Variants in XIRP2 observed in about 807,000 individuals in gnomAD.
XIRP2 encodes the protein xin actin binding repeat containing 2.
A neutral mutation model predicts 277.0 loss-of-function variants in XIRP2; 236 were observed. The ratio of observed to expected loss-of-function variants is 0.85; its 90% CI spans 0.77 to 0.95. XIRP2 has a LOEUF of 0.95. XIRP2 is among the 40% of genes least tolerant of loss of function. XIRP2 has a pLI of 0.00. For synonymous variants in XIRP2, 1,490 were observed against 1,416.5 expected (o/e 1.05, Z -1.17); for missense variants, 4,640 against 4,157.5 (o/e 1.12, Z -3.19).
intron 2 of XIRP2, among the ~76,000 whole-genome samples, chr2:166,966,436 G>A (rs1447009291): frequency 3.3e-5 from 5 of 151,554 alleles, no homozygotes; most frequent in African/African-American, 4.8e-5. Context: ...TATCGTTTAT[G>A]TTTATATATA....
intron 2 of XIRP2, among the ~76,000 whole-genome samples, chr2:167,127,672 C>T (rs972889479): frequency 7.2e-5 from 11 of 152,158 alleles, no homozygotes; most frequent in African/African-American, 2.2e-4. Context: ...GATATCTCGC[C>T]GCCTGCTGGA....
intron 2 of XIRP2, among the ~76,000 whole-genome samples, chr2:166,914,333 A>T (rs1005383057): frequency 5.3e-5 from 8 of 151,582 alleles, no homozygotes; most frequent in African/African-American, 1.9e-4. Flanking sequence ...TGTGTGCCAT[A>T]TTTTTTTTGT....
intron 2 of XIRP2, among the ~76,000 whole-genome samples, chr2:166,975,930 C>CAAAAAAAAAAAAAAAAAAAAAA (rs550529718): frequency 2.2e-5 from 1 of 45,710 alleles, no homozygotes; most frequent in African/African-American, 7.8e-5. Context: ...GACTCCGTCT[C>CAAAAAAAAAAAAAAAAAAAAAA]AAAAAAAAAA....
At position 167,257,983 on chromosome 2, in the gene XIRP2, C is replaced by CA. The variant is rs1695709946; in HGVS notation, c.*171dup. 6.2e-7 allele frequency: 1 copy of CA among 1,612,882 alleles called. No homozygotes were observed. The highest frequency in any genetic ancestry group is 1.7e-5 in the Admixed American group (1 of 59,836). On this transcript the variant is annotated 3_prime_UTR_variant, in exon 11 of 11. Transcript: ENST00000409195. ...AGCAGCATAAAGATAGATGGAACTG[C>CA]AAAAACCAAAGCAGATCAGTGGACT...
intron 3 of XIRP2, among the ~76,000 whole-genome samples, chr2:167,209,204 A>C (rs138779888): frequency 0.011 from 1,637 of 152,310 alleles, 25 homozygotes; most frequent in South Asian, 0.041. Context: ...TATTTTTACT[A>C]TTTTAATTAC....
At chr2:167,130,557 A>C (rs80305922) in intron 2 of XIRP2, among the ~76,000 whole-genome samples, 7,013 of 152,142 alleles carry the variant, frequency 0.046, 240 homozygotes, top group African/African-American at 0.093. Flanking sequence ...ACCACTCTTT[A>C]CAATTTGCTT....
At chr2:166,891,194 C>T (rs748701908) in intron 1 of XIRP2, among the ~76,000 whole-genome samples, 3 of 152,084 alleles carry the variant, frequency 2.0e-5, no homozygotes, top group Non-Finnish European at 4.4e-5. Flanking sequence ...AAAGACATGG[C>T]GGTAAGATAA....
intron 2 of XIRP2, among the ~76,000 whole-genome samples, chr2:166,985,744 A>C (rs1303668838): frequency 6.6e-6 from 1 of 151,978 alleles, no homozygotes; most frequent in Admixed American, 6.6e-5. Flanking sequence ...ATATTTTCTA[A>C]CAATTATTCT....
At chr2:166,890,090 G>A (rs1684064516) in intron 1 of XIRP2, among the ~76,000 whole-genome samples, 1 of 151,874 alleles carries the variant, frequency 6.6e-6, no homozygotes. Context: ...CCACCTCCCA[G>A]GTTCAAGCGA....
intron 2 of XIRP2, among the ~76,000 whole-genome samples, chr2:167,129,780 G>T (rs1691320973): frequency 6.7e-6 from 1 of 149,810 alleles, no homozygotes; most frequent in South Asian, 2.1e-4. Context: ...TGAGGCAGGA[G>T]AATCACTTGA....
chr2:167,242,439 G>A (rs1695100112), intron 8 of XIRP2, 130 bp from the exon 9 acceptor site: 4 of 900,622 alleles, frequency 4.4e-6, no homozygotes, highest in Non-Finnish European at 6.8e-6. Flanking sequence ...CTTTAAATGA[G>A]TATATCACAT....
rs1413379473 is a variant in XIRP2 at position 167,245,981 on chromosome 2, AAAC to A, written c.4594_4596del (p.Thr1532del). 2 of 1,613,482 alleles carry A rather than the reference AAAC, an allele frequency of 1.2e-6. No individual in the cohort carries two copies. Among genetic ancestry groups the A allele is most frequent in the Admixed American group, 1.7e-5 (1 of 59,960 alleles). ...GTCAAAACAACCACATGGCTCTTTG[AAAC>A]AACACCACTTCATGAATTTAATGAA... On this transcript the variant is annotated inframe_deletion, in exon 9 of 11. Transcript: ENST00000409195.
At chr2:167,126,638 ATCT>A (rs1691215085) in intron 2 of XIRP2, among the ~76,000 whole-genome samples, 1 of 152,140 alleles carries the variant, frequency 6.6e-6, no homozygotes. Context: ...TCCAAATTAG[ATCT>A]TCTGGGAAAA....
intron 2 of XIRP2, among the ~76,000 whole-genome samples, chr2:166,921,296 C>T (rs1456337751): frequency 6.6e-6 from 1 of 152,040 alleles, no homozygotes; most frequent in African/African-American, 2.4e-5. Context: ...AAACTGTTGT[C>T]CAAAGTCGTT....
intron 2 of XIRP2, among the ~76,000 whole-genome samples, chr2:167,100,544 A>G (rs1246878771): frequency 6.6e-6 from 1 of 152,230 alleles, no homozygotes; most frequent in Non-Finnish European, 1.5e-5. Context: ...CCTTGGCCTA[A>G]GAAGGAAGCT....
intron 2 of XIRP2, among the ~76,000 whole-genome samples, chr2:167,065,059 A>C (rs962817199): frequency 3.3e-5 from 5 of 151,908 alleles, no homozygotes; most frequent in Non-Finnish European, 5.9e-5. Context: ...CTACATTTAC[A>C]GTTTTGAGGA....
At chr2:167,213,902 G>A (rs1694136888) in intron 4 of XIRP2, among the ~76,000 whole-genome samples, 1 of 151,990 alleles carries the variant, frequency 6.6e-6, no homozygotes. Flanking sequence ...GATAGTACCA[G>A]GGGTAGCAGG....
intron 2 of XIRP2, among the ~76,000 whole-genome samples, chr2:166,906,499 CATT>C (rs762500287): frequency 2.6e-4 from 39 of 151,930 alleles, no homozygotes; most frequent in Non-Finnish European, 4.4e-4. Context: ...TTACAATAGA[CATT>C]ATAATGTATG....
intron 3 of XIRP2, among the ~76,000 whole-genome samples, chr2:167,175,157 A>G (rs1692802239): frequency 6.6e-6 from 1 of 152,228 alleles, no homozygotes; most frequent in Non-Finnish European, 1.5e-5. Flanking sequence ...TGTCTCGTTG[A>G]TCTGTCTACT....
Sources: allele counts gnomAD v4.1 joint callset (sites outside exome capture counted in the v4.1 genomes callset), GRCh38; gene constraint gnomAD v4.1.1; transcripts MANE v1.5; gene names NCBI Gene and HGNC (gene_info 2026-07-23, HGNC 2026-07-21).